GAS7: variants seen among roughly 807,000 people sequenced by gnomAD.
The protein encoded by GAS7 is growth arrest specific 7.
GAS7 carries 28 observed loss-of-function variants against 71.1 expected under a neutral mutation model. That is an observed-to-expected ratio of 0.39 (90% CI 0.29 to 0.54). The LOEUF is 0.54. GAS7 is among the 20% of genes least tolerant of loss of function. The pLI, the probability that GAS7 is intolerant of heterozygous loss-of-function variation, is 0.62. For missense variants in GAS7, 436 were observed against 627.8 expected (o/e 0.69, Z 3.27); for synonymous variants, 258 against 245.8 (o/e 1.05, Z -0.46).
At chr17:10,095,767 C>T (rs1433955456) in intron 1 of GAS7, among the ~76,000 whole-genome samples, 1 of 149,288 alleles carries the variant, frequency 6.7e-6, no homozygotes, top group African/African-American at 2.5e-5. Flanking sequence ...CATGCCACTG[C>T]ACTCCAGCCT....
intron 7 of GAS7, among the ~76,000 whole-genome samples, chr17:9,941,892 C>G (rs952302842): frequency 3.3e-5 from 5 of 152,122 alleles, no homozygotes. Context: ...AATAGGCCCT[C>G]TAAGGGAAAG....
intron 1 of GAS7, among the ~76,000 whole-genome samples, chr17:10,130,467 C>T (rs964571967): frequency 6.6e-6 from 1 of 152,090 alleles, no homozygotes; most frequent in African/African-American, 2.4e-5. Flanking sequence ...AACATACTTA[C>T]CACGTGACCC....
intron 4 of GAS7, among the ~76,000 whole-genome samples, chr17:9,962,239 T>TACACACACACACACACAC (rs58521200): frequency 8.5e-4 from 126 of 148,734 alleles, no homozygotes; most frequent in Middle Eastern, 3.5e-3. Flanking sequence ...GTGCATTTTA[T>TACACACACACACACACAC]ACACACACAC....
intron 1 of GAS7, among the ~76,000 whole-genome samples, chr17:10,098,685 C>T (rs971044117): frequency 1.3e-5 from 2 of 152,186 alleles, no homozygotes; most frequent in African/African-American, 2.4e-5. Context: ...GGTGGCCGGG[C>T]GCGGTGGCTG....
At chr17:10,100,433 A>T (rs16959310) in intron 1 of GAS7, among the ~76,000 whole-genome samples, 1 of 152,106 alleles carries the variant, frequency 6.6e-6, no homozygotes, top group African/African-American at 2.4e-5. Context: ...GGTCTCTACA[A>T]CTTCTCTAAC....
rs543133633 is a variant in GAS7 at position 9,985,742 on chromosome 17, T to C, written c.305-3858A>G. ...GGGTGCAGGGTGCACATCTAATGAC[T>C]GGGGTGAGAGGGGATCAACGGCCCA... On this transcript the variant is annotated intron_variant, in intron 2 of 13. Coordinates refer to ENST00000432992, the MANE Select transcript of GAS7 (RefSeq NM_201433.2). Among the ~76,000 whole-genome samples the C allele has an allele frequency of 2.0e-5, 3 of 152,312 alleles. No individual in the cohort carries two copies. The East Asian group carries it at 5.8e-4, about 29-fold the overall frequency.
intron 1 of GAS7, among the ~76,000 whole-genome samples, chr17:10,128,160 C>A (rs1448321360): frequency 6.6e-6 from 1 of 152,218 alleles, no homozygotes; most frequent in Admixed American, 6.5e-5. Flanking sequence ...CCAGCAGTTC[C>A]GGGGCGGCTC....
intron 2 of GAS7, among the ~76,000 whole-genome samples, chr17:10,007,874 TCAG>T (rs1016647047): frequency 2.0e-5 from 3 of 151,206 alleles, no homozygotes; most frequent in Admixed American, 6.6e-5. Flanking sequence ...CCTGTACCCA[TCAG>T]CAGTCACTCG....
At chr17:10,102,978 G>A (rs1032018393) in intron 1 of GAS7, among the ~76,000 whole-genome samples, 10 of 152,082 alleles carry the variant, frequency 6.6e-5, no homozygotes, top group Admixed American at 5.2e-4. Flanking sequence ...GTGGAATCTC[G>A]ATCCTCAGAG....
At chr17:10,002,878 C>T (rs1001472193) in intron 2 of GAS7, among the ~76,000 whole-genome samples, 4 of 152,168 alleles carry the variant, frequency 2.6e-5, no homozygotes. Context: ...CATACGTGTG[C>T]ATGTGTCTTT....
At chr17:10,192,235 C>T (rs1347924989) in intron 1 of GAS7, among the ~76,000 whole-genome samples, 2 of 152,178 alleles carry the variant, frequency 1.3e-5, no homozygotes, top group East Asian at 3.8e-4. Flanking sequence ...CCAGAAGCCT[C>T]GCCATTGCAG....
At chr17:9,935,369 A>G (rs946556990) in intron 8 of GAS7, among the ~76,000 whole-genome samples, 1 of 152,226 alleles carries the variant, frequency 6.6e-6, no homozygotes, top group Non-Finnish European at 1.5e-5. Context: ...TGCAGGCCCC[A>G]GGCTACATTC....
rs2069414681 is a variant in GAS7, at chr17:9,959,955, C to A, written c.472-700G>T. On this transcript the variant is annotated intron_variant, in intron 4 of 13. Coordinates refer to ENST00000432992, the MANE Select transcript of GAS7 (RefSeq NM_201433.2). The surrounding 1 kb of genome is among the most constrained non-coding windows in gnomAD (Gnocchi z 5.0). Reference sequence around the variant, plus strand: ...TCGTTCTGGCAGAGAAAATTAAGGACTGCCAGTGCAAAATGCTACACGTGT... The same window carrying A: ...TCGTTCTGGCAGAGAAAATTAAGGAATGCCAGTGCAAAATGCTACACGTGT... 6.6e-6 allele frequency among the ~76,000 whole-genome samples: 1 copy of A among 152,206 alleles called. No homozygotes were observed. The highest frequency in any genetic ancestry group is 2.1e-4 in the South Asian group (1 of 4,836).
At chr17:9,990,310 T>C (rs1355893159) in intron 2 of GAS7, among the ~76,000 whole-genome samples, 1 of 151,856 alleles carries the variant, frequency 6.6e-6, no homozygotes, top group Non-Finnish European at 1.5e-5. Context: ...CTACGGATGC[T>C]GGCAGGAGCC....
chr17:10,153,519 C>CAAAA (rs11476862), intron 1 of GAS7, among the ~76,000 whole-genome samples: 1 of 117,740 alleles, frequency 8.5e-6, no homozygotes, highest in Admixed American at 8.8e-5. Context: ...CTTTGACTCA[C>CAAAA]AAAAAAAAAA....
chr17:9,997,243 C>T (rs966993731), intron 2 of GAS7, among the ~76,000 whole-genome samples: 3 of 4,354 alleles, frequency 6.9e-4, no homozygotes, highest in East Asian at 0.013. Flanking sequence ...AGGGGCCGGG[C>T]GGGTGGGGGC....
At chr17:10,190,286 C>T (rs1024561982) in intron 1 of GAS7, among the ~76,000 whole-genome samples, 1 of 152,106 alleles carries the variant, frequency 6.6e-6, no homozygotes. Flanking sequence ...AAGGAGAAGG[C>T]TTTAAGAAAT....
At chr17:10,134,697 G>T (rs770078619) in intron 1 of GAS7, among the ~76,000 whole-genome samples, 3 of 152,152 alleles carry the variant, frequency 2.0e-5, no homozygotes, top group African/African-American at 4.8e-5. Context: ...CATGTGGTAG[G>T]ATGGAAGAAA....
chr17:10,162,608 G>C (rs1258313601), intron 1 of GAS7, among the ~76,000 whole-genome samples: 4 of 152,170 alleles, frequency 2.6e-5, no homozygotes, highest in Non-Finnish European at 5.9e-5. Context: ...TAAGTTTCCA[G>C]AGATGTATTA....
Sources: allele counts gnomAD v4.1 joint callset (sites outside exome capture counted in the v4.1 genomes callset), GRCh38; gene constraint gnomAD v4.1.1; non-coding constraint Gnocchi (gnomAD v3.1); transcripts MANE v1.5; gene names NCBI Gene and HGNC (gene_info 2026-07-23, HGNC 2026-07-21).